The following MTHFD2L variants were observed in gnomAD, a reference collection of about 807,000 sequenced individuals.
The protein encoded by MTHFD2L is bifunctional methylenetetrahydrofolate dehydrogenase/cyclohydrolase 2, mitochondrial.
Under a neutral mutation model 34.9 loss-of-function variants are expected in MTHFD2L, and 29 were observed. That is an observed-to-expected ratio of 0.83 (90% confidence interval 0.62 to 1.13). The LOEUF (loss-of-function observed/expected upper bound fraction) is 1.13, where lower values mean the gene tolerates loss of function less well. Ranked by LOEUF, MTHFD2L falls within the 50% of genes most tolerant of loss-of-function variation. The pLI is 0.00. For synonymous variants in MTHFD2L, 167 were observed against 155.7 expected, an observed-to-expected ratio of 1.07 and a Z score of -0.54; for missense variants, 481 against 446.5, an observed-to-expected ratio of 1.08 and a Z score of -0.70.
At chr4:74,200,197 A>C (rs1734186652) in intron 4 of MTHFD2L, among the ~76,000 whole-genome samples, 1 of 152,204 alleles carries the variant, frequency 6.6e-6, no homozygotes, top group Admixed American at 6.5e-5. Flanking sequence ...CTGTAGTCCC[A>C]GCTACCTCGG....
intron 5 of MTHFD2L, among the ~76,000 whole-genome samples, chr4:74,204,446 A>G (rs1480006090): frequency 6.6e-6 from 1 of 152,146 alleles, no homozygotes; most frequent in African/African-American, 2.4e-5. Flanking sequence ...TCTGAGATTA[A>G]TGATGTGATT....
intron 6 of MTHFD2L, among the ~76,000 whole-genome samples, chr4:74,257,129 A>T (rs1465539322): frequency 6.6e-6 from 1 of 151,930 alleles, no homozygotes; most frequent in Non-Finnish European, 1.5e-5. Context: ...GTCACCTCTG[A>T]TTTCTTTCAG....
intron 7 of MTHFD2L, chr4:74,288,540 A>G (rs1748480177): frequency 6.6e-6 from 1 of 152,226 alleles, no homozygotes; most frequent in African/African-American, 2.4e-5. Flanking sequence ...AAAGATATTT[A>G]TTTATCTAAC....
intron 6 of MTHFD2L, among the ~76,000 whole-genome samples, chr4:74,254,918 T>C (rs1423195160): frequency 6.6e-6 from 1 of 151,986 alleles, no homozygotes; most frequent in Non-Finnish European, 1.5e-5. Context: ...GCGGATCACC[T>C]GAGGGCAGGA....
chr4:74,261,011 GA>G (rs565163486), intron 6 of MTHFD2L, among the ~76,000 whole-genome samples: 6,698 of 138,258 alleles, frequency 0.048, 397 homozygotes, highest in African/African-American at 0.16. Flanking sequence ...AAAATAAATA[GA>G]AAAAAATATA....
chr4:74,193,619 CTTA>C (rs1732959098), intron 3 of MTHFD2L, among the ~76,000 whole-genome samples: 3 of 151,998 alleles, frequency 2.0e-5, no homozygotes, highest in Admixed American at 2.0e-4. Context: ...TTTTGTAGTT[CTTA>C]TTATAGATGT....
rs1156248692 is a variant in MTHFD2L at position 74,199,838 on chromosome 4, A to G, written c.496A>G (p.Lys166Glu). Residue 166 changes from lysine to glutamate, a missense_variant, in exon 4 of 8, where the codon AAA (lysine) becomes GAA (glutamate). Coordinates refer to ENST00000325278, the MANE Select transcript of MTHFD2L (RefSeq NM_001144978.3). Reference sequence around the variant, plus strand: ...AATATGCAATGGAATTGCCCCAGAAAAAGATGTAGATGGATTTCATATTAT... The same window carrying G: ...AATATGCAATGGAATTGCCCCAGAAGAAGATGTAGATGGATTTCATATTAT... The part of the protein sequence containing the change: ...RTICNGIAPE[K>E]DVDGFHIINI... The G allele has an allele frequency of 6.2e-7, 1 of 1,613,286 alleles. No individual in the cohort carries two copies. The highest frequency in any genetic ancestry group is 1.3e-5 in the African/African-American group (1 of 74,916).
chr4:74,210,463 T>C (rs1402756278), intron 5 of MTHFD2L, among the ~76,000 whole-genome samples: 1 of 152,038 alleles, frequency 6.6e-6, no homozygotes, highest in Non-Finnish European at 1.5e-5. Flanking sequence ...TCCCCATTAC[T>C]TTTTTTTGTG....
upstream of MTHFD2L, among the ~76,000 whole-genome samples, chr4:74,125,118 A>G (rs1446622110): frequency 6.6e-6 from 1 of 152,168 alleles, no homozygotes; most frequent in Non-Finnish European, 1.5e-5. Context: ...AGTTAAAGTA[A>G]TTAGAGAAGC....
At chr4:74,189,473 G>GT (rs1175841774) in intron 3 of MTHFD2L, among the ~76,000 whole-genome samples, 3 of 124,434 alleles carry the variant, frequency 2.4e-5, no homozygotes, top group Admixed American at 1.7e-4. Context: ...TGAGCAAGCA[G>GT]TGTTTTTCTT....
chr4:74,262,923 C>T (rs958762164), intron 6 of MTHFD2L, among the ~76,000 whole-genome samples: 3 of 151,830 alleles, frequency 2.0e-5, no homozygotes, highest in Non-Finnish European at 4.4e-5. Flanking sequence ...TATTACAGCT[C>T]GTTGGTGATA....
At position 74,158,233 on chromosome 4, in the gene MTHFD2L, C is replaced by G. The variant is rs1224584467; in HGVS notation, c.95C>G (p.Pro32Arg). The change falls in exon 1 of 8, where the codon CCG becomes CGG. Residue 32 changes from proline (P) to arginine (R), a missense_variant. Transcript: ENST00000325278. ...GRSTAPSVRA[P>R]GEPGSAFRGF... Reference sequence around the variant, plus strand: ...AGCACAGCACCCTCCGTAAGGGCACCGGGAGAGCCCGGGAGTGCGTTCCGG... The same window carrying G: ...AGCACAGCACCCTCCGTAAGGGCACGGGGAGAGCCCGGGAGTGCGTTCCGG... 2 of 1,481,292 alleles carry G rather than the reference C, an allele frequency of 1.4e-6. No homozygotes were observed. Among genetic ancestry groups the G allele is most frequent in the Non-Finnish European group, 8.9e-7 (1 of 1,117,600 alleles). The allele number at this position is 1,481,292 out of a possible 1,614,324, so 91.8% of individuals were successfully genotyped here. A position where few individuals can be genotyped will look rare whatever the true frequency, so the allele number is the denominator to read the frequency against.
intron 6 of MTHFD2L, among the ~76,000 whole-genome samples, chr4:74,268,867 G>A (rs77768061): frequency 0.021 from 3,242 of 152,266 alleles, 64 homozygotes; most frequent in Non-Finnish European, 0.027. Flanking sequence ...AGCTCCTAGG[G>A]TGTAGACTAG....
chr4:74,142,902 T>C (rs1723364159), intron 1 of MTHFD2L, among the ~76,000 whole-genome samples: 1 of 152,202 alleles, frequency 6.6e-6, no homozygotes, highest in Non-Finnish European at 1.5e-5. Flanking sequence ...ACTCGAGTAA[T>C]CTTTCTGTTC....
chr4:74,120,048 G>A (rs2109771740), upstream of MTHFD2L, among the ~76,000 whole-genome samples: 1 of 152,288 alleles, frequency 6.6e-6, no homozygotes, highest in Admixed American at 6.5e-5. Context: ...TATCAAATGT[G>A]TCTGTACTGA....
At chr4:74,125,536 CTTTCTCAAA>C (rs1722006275) in intron 1 of MTHFD2L, 1 of 152,140 alleles carries the variant, frequency 6.6e-6, no homozygotes, top group Admixed American at 6.6e-5. Context: ...GTTTTTCCCA[CTTTCTCAAA>C]TTTCTCAAAT....
At chr4:74,281,342 T>A in intron 6 of MTHFD2L, 83 bp from the exon 7 acceptor site, 2 of 1,264,468 alleles carry the variant, frequency 1.6e-6, no homozygotes, top group South Asian at 2.7e-5. Flanking sequence ...TGTGTGTGTG[T>A]GTGTGTGTAT....
chr4:74,176,571 A>T (rs558618261), intron 3 of MTHFD2L, among the ~76,000 whole-genome samples: 1 of 152,118 alleles, frequency 6.6e-6, no homozygotes, highest in South Asian at 2.1e-4. Flanking sequence ...GATGATTGTA[A>T]ATGTGCAGTG....
chr4:74,269,350 A>G (rs1745678897), intron 6 of MTHFD2L, among the ~76,000 whole-genome samples: 1 of 152,084 alleles, frequency 6.6e-6, no homozygotes, highest in African/African-American at 2.4e-5. Context: ...CTAAATGATA[A>G]TATTATAGGT....
Sources: gnomAD v4.1 joint callset for allele counts (sites outside exome capture counted in the v4.1 genomes callset) on GRCh38, gnomAD v4.1.1 for gene constraint, MANE v1.5 for transcripts, NCBI Gene and HGNC (gene_info 2026-07-23, HGNC 2026-07-21) for gene names.